ZNF804B: variants seen among roughly 807,000 people sequenced by gnomAD.
ZNF804B encodes zinc finger protein 804B.
ZNF804B carries 80 observed loss-of-function variants against 101.4 expected under a neutral mutation model. That is an observed-to-expected ratio of 0.79 (90% CI 0.66 to 0.95). The LOEUF (loss-of-function observed/expected upper bound fraction) is 0.95, where lower values mean the gene tolerates loss of function less well. ZNF804B is among the 40% of genes least tolerant of loss of function. The pLI is 0.00. For synonymous variants in ZNF804B, 622 were observed against 558.8 expected, an observed-to-expected ratio of 1.11 and a Z score of -1.59; for missense variants, 1,673 against 1,561.9, an observed-to-expected ratio of 1.07 and a Z score of -1.20.
chr7:89,134,212 A>G (rs1208669229), intron 1 of ZNF804B, among the ~76,000 whole-genome samples: 1 of 152,134 alleles, frequency 6.6e-6, no homozygotes, highest in Non-Finnish European at 1.5e-5. Context: ...ACAGCCAGGA[A>G]CAGAATGTGT....
intron 1 of ZNF804B, among the ~76,000 whole-genome samples, chr7:88,862,051 A>T (rs751844077): frequency 1.3e-5 from 2 of 152,192 alleles, no homozygotes; most frequent in Non-Finnish European, 2.9e-5. Context: ...ATAGTAAACT[A>T]CCATCTGGCA....
At chr7:89,048,054 G>C (rs188413456) in intron 1 of ZNF804B, among the ~76,000 whole-genome samples, 92 of 152,160 alleles carry the variant, frequency 6.0e-4, no homozygotes, top group Non-Finnish European at 1.2e-3. Context: ...CACCTGAGAA[G>C]CATACACTGC....
intron 2 of ZNF804B, among the ~76,000 whole-genome samples, chr7:89,276,756 T>A (rs1005750922): frequency 6.6e-6 from 1 of 151,870 alleles, no homozygotes; most frequent in African/African-American, 2.4e-5. Context: ...AAAATTAATT[T>A]CCTAGCATTA....
intron 1 of ZNF804B, among the ~76,000 whole-genome samples, chr7:88,940,453 G>T (rs1324487636): frequency 6.6e-6 from 1 of 151,858 alleles, no homozygotes; most frequent in African/African-American, 2.4e-5. Context: ...TAAGCTAAAA[G>T]CAGAAATTAA....
chr7:88,813,437 AAG>A (rs1790823869), intron 1 of ZNF804B, among the ~76,000 whole-genome samples: 1 of 151,282 alleles, frequency 6.6e-6, no homozygotes, highest in African/African-American at 2.4e-5. Context: ...AAAAAAAAAA[AAG>A]AAAAGAAAAA....
chr7:88,933,222 A>G (rs1216407487), intron 1 of ZNF804B, among the ~76,000 whole-genome samples: 5 of 152,000 alleles, frequency 3.3e-5, no homozygotes, highest in Non-Finnish European at 4.4e-5. Flanking sequence ...AGATGCAGAA[A>G]AAGCATTTGA....
At position 88,957,934 on chromosome 7, in the gene ZNF804B, G is replaced by A. The variant is rs78802657; in HGVS notation, c.108+197850G>A. 6.1e-3 allele frequency among the ~76,000 whole-genome samples: 926 copies of A among 150,996 alleles called. 18 individuals are homozygous for A. The highest frequency in any genetic ancestry group is 0.021 in the African/African-American group (868 of 41,284). On this transcript the variant is annotated intron_variant, in intron 1 of 3. Transcript: ENST00000333190. ...TGTGTGTGCATATGTGTGTGTGTGTGTATATATATACAGAGTACTATTATA... is the reference window on the plus strand; with the variant it reads ...TGTGTGTGCATATGTGTGTGTGTGTATATATATATACAGAGTACTATTATA...
At chr7:88,892,138 A>T (rs551628982) in intron 1 of ZNF804B, among the ~76,000 whole-genome samples, 4 of 152,068 alleles carry the variant, frequency 2.6e-5, no homozygotes, top group African/African-American at 7.2e-5. Context: ...ATTTAAATAT[A>T]TTAATTTTGA....
chr7:89,106,434 A>G (rs1583989727), intron 1 of ZNF804B, among the ~76,000 whole-genome samples: 1 of 152,214 alleles, frequency 6.6e-6, no homozygotes, highest in East Asian at 1.9e-4. Context: ...TGTGTTTTAA[A>G]CTGGGTGATA....
At position 89,256,815 on chromosome 7, in the gene ZNF804B, G is replaced by A. The variant is rs546275900; in HGVS notation, c.249+38520G>A. 5.3e-5 allele frequency among the ~76,000 whole-genome samples: 8 copies of A among 152,324 alleles called. No homozygotes were observed. In the East Asian group the frequency reaches 1.4e-3, roughly 26 times the overall value. On this transcript the variant is annotated intron_variant, in intron 2 of 3. Coordinates refer to ENST00000333190, the MANE Select transcript of ZNF804B (RefSeq NM_181646.5). ...AGAATTATAATTTCCTCTGGAGGAG[G>A]AGGATGGTGCAGCTGGCTACAACAG...
intron 2 of ZNF804B, among the ~76,000 whole-genome samples, chr7:89,250,255 G>A (rs1469575478): frequency 6.6e-6 from 1 of 151,814 alleles, no homozygotes; most frequent in African/African-American, 2.4e-5. Flanking sequence ...CAAACGTGAT[G>A]TTACAATTGA....
chr7:88,794,707 T>C, intron 1 of ZNF804B: 1 of 1,613,706 alleles, frequency 6.2e-7, no homozygotes, highest in South Asian at 1.1e-5. Context: ...TCCTAGGTGA[T>C]GTTTCAAAAC....
At chr7:88,887,453 G>A (rs976728333) in intron 1 of ZNF804B, among the ~76,000 whole-genome samples, 1 of 152,030 alleles carries the variant, frequency 6.6e-6, no homozygotes, top group African/African-American at 2.4e-5. Context: ...TTTGTATATG[G>A]TGTAATGAAG....
chr7:89,153,656 C>T (rs1291188689), intron 1 of ZNF804B, among the ~76,000 whole-genome samples: 1 of 152,000 alleles, frequency 6.6e-6, no homozygotes, highest in Non-Finnish European at 1.5e-5. Context: ...AAACTGGAAT[C>T]AGACCTAGGA....
At chr7:88,824,786 T>G (rs1308786002) in intron 1 of ZNF804B, among the ~76,000 whole-genome samples, 1 of 152,180 alleles carries the variant, frequency 6.6e-6, no homozygotes, top group Non-Finnish European at 1.5e-5. Flanking sequence ...AGAATTAAAG[T>G]TAAGTTTGTC....
intron 1 of ZNF804B, among the ~76,000 whole-genome samples, chr7:88,960,084 CT>C (rs1322268179): frequency 6.6e-6 from 1 of 151,280 alleles, no homozygotes; most frequent in African/African-American, 2.4e-5. Flanking sequence ...ACTGTTTCCC[CT>C]TTTTTAAATC....
At chr7:88,908,277 C>A (rs1303374772) in intron 1 of ZNF804B, among the ~76,000 whole-genome samples, 1 of 149,978 alleles carries the variant, frequency 6.7e-6, no homozygotes, top group African/African-American at 2.5e-5. Context: ...CATGCTGAAA[C>A]GTAATGTGTA....
rs117838789 is a variant in ZNF804B, at chr7:88,953,461, A to G, written c.108+193377A>G. Among the ~76,000 whole-genome samples, 1,492 of 151,858 alleles carry G rather than the reference A, an allele frequency of 9.8e-3. 12 individuals carry two copies. The highest frequency in any genetic ancestry group is 0.016 in the South Asian group (76 of 4,824). ...GAACACATTATTTAAAATTGCTTTG[A>G]GGTTTTTATTTATGTATTTATTGTC... On this transcript the variant is annotated intron_variant, in intron 1 of 3. Coordinates refer to ENST00000333190, the MANE Select transcript of ZNF804B (RefSeq NM_181646.5).
rs1791098792 is a variant in ZNF804B, at chr7:89,336,663, C to T, written c.3681C>T (p.Ser1227=). 1.2e-6 allele frequency: 2 copies of T among 1,614,160 alleles called. No homozygotes were observed. Among genetic ancestry groups the T allele is most frequent in the South Asian group, 2.2e-5 (2 of 91,084 alleles). Residue 1227 remains serine, a synonymous_variant, in exon 4 of 4, where the codon AGC becomes AGT. Transcript: ENST00000333190. ...FAVSASLSSH[S]SHLPIAHLHP... is the part of the protein sequence containing the mutation. ...TTTCTGCTTCCTTAAGTTCTCATAG[C>T]AGTCACCTCCCTATTGCTCATCTAC...
Sources: gnomAD v4.1 joint callset for allele counts (sites outside exome capture counted in the v4.1 genomes callset) on GRCh38, gnomAD v4.1.1 for gene constraint, MANE v1.5 for transcripts, NCBI Gene and HGNC (gene_info 2026-07-23, HGNC 2026-07-21) for gene names.